The following CES5A variants were observed in gnomAD, a reference collection of about 807,000 sequenced individuals.
The protein encoded by CES5A is carboxylesterase 5A, also known as carboxylesterase 5.
CES5A carries 67 observed loss-of-function variants against 62.9 expected under a neutral mutation model. The ratio of observed to expected loss-of-function variants is 1.07; its 90% CI spans 0.88 to 1.31. CES5A has a LOEUF of 1.31. Ranked by LOEUF, CES5A falls within the 50% of genes most tolerant of loss-of-function variation. The pLI is 0.00. For synonymous variants in CES5A, 296 were observed against 280.8 expected (o/e 1.05, Z -0.54); for missense variants, 748 against 708.5 (o/e 1.06, Z -0.63).
At chr16:55,944,223 A>G in intron 2 of CES5A, 2 of 646,286 alleles carry the variant, frequency 3.1e-6, no homozygotes. Context: ...GACTCTGAAC[A>G]AGACCCCTCT....
At chr16:55,900,677 A>G (rs2033981575) in intron 1 of CES5A, among the ~76,000 whole-genome samples, 1 of 152,202 alleles carries the variant, frequency 6.6e-6, no homozygotes. Context: ...GAGGGAAAAA[A>G]GCAAGTGTGC....
At chr16:55,927,280 A>G (rs1334970808), upstream of CES5A, among the ~76,000 whole-genome samples, 1 of 152,208 alleles carries the variant, frequency 6.6e-6, no homozygotes, top group African/African-American at 2.4e-5. Context: ...TAATTAAATG[A>G]AAAGGCTTCT....
chr16:55,846,752 C>G lies in CES5A; in HGVS notation c.1496+16G>C. ...CCCCAGGCCTTGGCATGGGGGAGAC[C>G]GGGAGGTTTACTTACCCGGTTCGAG... On this transcript the variant is annotated intron_variant, in intron 12 of 12. Coordinates refer to ENST00000290567, the MANE Select transcript of CES5A (RefSeq NM_001143685.2). The G allele has an allele frequency of 6.2e-7, 1 of 1,613,800 alleles. No homozygotes were observed. Among genetic ancestry groups the G allele is most frequent in the Non-Finnish European group, 8.5e-7 (1 of 1,179,790 alleles).
At chr16:55,930,349 C>T (rs1292779045), upstream of CES5A, among the ~76,000 whole-genome samples, 1 of 152,158 alleles carries the variant, frequency 6.6e-6, no homozygotes, top group Non-Finnish European at 1.5e-5. Flanking sequence ...AGCCTTTGCC[C>T]TGTCTCTCCG....
intron 1 of CES5A, among the ~76,000 whole-genome samples, chr16:55,897,106 A>G (rs2033942224): frequency 1.3e-5 from 2 of 151,464 alleles, no homozygotes; most frequent in Non-Finnish European, 2.9e-5. Context: ...CTGTGGAAAG[A>G]GCTTGCCTTC....
At chr16:55,854,146 G>T (rs1307323424) in intron 9 of CES5A, among the ~76,000 whole-genome samples, 1 of 152,118 alleles carries the variant, frequency 6.6e-6, no homozygotes, top group East Asian at 1.9e-4. Flanking sequence ...GTCCTCATAG[G>T]ACAGTCAGCG....
intron 2 of CES5A, among the ~76,000 whole-genome samples, chr16:55,948,296 G>A (rs1212447760): frequency 6.6e-6 from 1 of 152,140 alleles, no homozygotes; most frequent in Non-Finnish European, 1.5e-5. Context: ...ATTTTTCTGA[G>A]GCTTTGATTA....
At chr16:55,863,010 G>A (rs1449664331) in intron 6 of CES5A, among the ~76,000 whole-genome samples, 1 of 152,168 alleles carries the variant, frequency 6.6e-6, no homozygotes, top group Non-Finnish European at 1.5e-5. Context: ...ATAATGCCCT[G>A]GGTATTCATT....
At chr16:55,855,942 AC>A (rs2033234868) in intron 9 of CES5A, among the ~76,000 whole-genome samples, 1 of 151,994 alleles carries the variant, frequency 6.6e-6, no homozygotes, top group African/African-American at 2.4e-5. Context: ...GGTTAGCACC[AC>A]CCCTTTGGTG....
intron 1 of CES5A, among the ~76,000 whole-genome samples, chr16:55,925,085 A>G (rs545002924): frequency 2.6e-5 from 4 of 152,236 alleles, no homozygotes; most frequent in Non-Finnish European, 4.4e-5. Context: ...GAGACAACCC[A>G]CAGAATGAGA....
At position 55,873,981 on chromosome 16, in the gene CES5A, G is replaced by A. The variant is rs1222005571; in HGVS notation, c.130C>T (p.Gln44Ter). The change falls in exon 2 of 13, where the codon CAA (glutamine) becomes TAA (stop). Residue 44 changes from glutamine to a stop codon, truncating the protein, a stop_gained. Transcript: ENST00000290567. LOFTEE classifies it high-confidence loss of function. ...ACAGGGCTTCCCAGCACAGTGACTT[G>A]CTTGCCCTGAATCCATCCCAGCCTG... ...NTRLGWIQGK[Q>*]VTVLGSPVPV... 6.2e-7 allele frequency: 1 copy of A among 1,612,386 alleles called. No homozygotes were observed. The highest frequency in any genetic ancestry group is 8.5e-7 in the Non-Finnish European group (1 of 1,179,512).
At chr16:55,940,527 T>C (rs574715991) in intron 2 of CES5A, among the ~76,000 whole-genome samples, 6 of 152,096 alleles carry the variant, frequency 3.9e-5, no homozygotes, top group African/African-American at 7.2e-5. Context: ...AAAAATTGAA[T>C]CTATCTTTTA....
chr16:55,923,875 G>A (rs1443779380), intron 1 of CES5A, among the ~76,000 whole-genome samples: 1 of 151,834 alleles, frequency 6.6e-6, no homozygotes, highest in African/African-American at 2.4e-5. Flanking sequence ...ATCCCTTTAT[G>A]ATAAAAACCC....
chr16:55,879,050 C>T (rs67822996), upstream of CES5A, among the ~76,000 whole-genome samples: 33,516 of 147,570 alleles, frequency 0.23, 4,056 homozygotes, highest in East Asian at 0.5. Context: ...TCACTGCACC[C>T]ACATCACTGC....
At chr16:55,875,722 A>G (rs1317290649), upstream of CES5A, among the ~76,000 whole-genome samples, 1 of 152,210 alleles carries the variant, frequency 6.6e-6, no homozygotes, top group African/African-American at 2.4e-5. Flanking sequence ...GGCCCTGCCA[A>G]CAAGAGTCTT....
chr16:55,879,118 C>G (rs1397955618), upstream of CES5A, among the ~76,000 whole-genome samples: 1 of 149,022 alleles, frequency 6.7e-6, no homozygotes, highest in Non-Finnish European at 1.5e-5. Context: ...CTGCACCCCA[C>G]CACTGCACCC....
At chr16:55,916,764 C>T (rs908773195) in intron 1 of CES5A, among the ~76,000 whole-genome samples, 1 of 152,186 alleles carries the variant, frequency 6.6e-6, no homozygotes. Flanking sequence ...TTTCTTTGGA[C>T]ACACCTCCTG....
chr16:55,875,033 T>A, intron 1 of CES5A, 116 bp downstream of exon 1: 1 of 1,028,472 alleles, frequency 9.7e-7, no homozygotes, highest in Non-Finnish European at 1.5e-6. Context: ...ATCAAAGTAC[T>A]ACATAGCTCT....
At chr16:55,936,942 A>G (rs2034383004) in intron 2 of CES5A, among the ~76,000 whole-genome samples, 2 of 152,314 alleles carry the variant, frequency 1.3e-5, no homozygotes, top group South Asian at 4.1e-4. Flanking sequence ...GAGCATTATA[A>G]TTATACTCCC....
Sources: allele counts gnomAD v4.1 joint callset (sites outside exome capture counted in the v4.1 genomes callset), GRCh38; gene constraint gnomAD v4.1.1; transcripts MANE v1.5; gene names NCBI Gene and HGNC (gene_info 2026-07-23, HGNC 2026-07-21).